The following TNRC6A variants were observed in gnomAD, a reference collection of about 807,000 sequenced individuals.
The protein encoded by TNRC6A is trinucleotide repeat-containing gene 6A protein.
Under a neutral mutation model 221.2 loss-of-function variants are expected in TNRC6A, and 44 were observed. That is an observed-to-expected ratio of 0.20 (90% confidence interval 0.16 to 0.26). The LOEUF is 0.26. Among genes scored for constraint, TNRC6A ranks in the 10% least tolerant of loss-of-function variants. The probability of loss-of-function intolerance (pLI) is 1.00; values close to 1 mark genes in which losing one functional copy is unlikely to be tolerated. For synonymous variants in TNRC6A, 847 were observed against 838.5 expected (o/e 1.01, Z -0.18); for missense variants, 2,199 against 2,404.4 (o/e 0.91, Z 1.79).
intron 2 of TNRC6A, among the ~76,000 whole-genome samples, chr16:24,714,469 C>T (rs928542230): frequency 9.9e-5 from 15 of 151,848 alleles, no homozygotes; most frequent in South Asian, 6.2e-4. Flanking sequence ...CCACCAAACC[C>T]GGCTAATTTT....
intron 2 of TNRC6A, 39 bp downstream of exon 2, chr16:24,730,339 A>G (rs762245663): frequency 6.3e-7 from 1 of 1,599,162 alleles, no homozygotes; most frequent in Admixed American, 1.7e-5. Flanking sequence ...CCCCACGATA[A>G]TCGTATATTT....
intron 15 of TNRC6A, 101 bp from the exon 16 acceptor site, chr16:24,806,105 G>A (rs1321561651): frequency 1.7e-5 from 22 of 1,312,804 alleles, no homozygotes; most frequent in African/African-American, 1.4e-5. Context: ...GCATTGGCTA[G>A]ATCACGTCGT....
intron 1 of TNRC6A, among the ~76,000 whole-genome samples, chr16:24,625,748 A>C (rs1441495642): frequency 1.3e-5 from 2 of 148,498 alleles, no homozygotes; most frequent in African/African-American, 2.5e-5. Context: ...AAAAAAAAAA[A>C]AAAAAAAAAA....
chr16:24,734,945 C>T (rs16973953), intron 2 of TNRC6A, among the ~76,000 whole-genome samples: 27,917 of 152,132 alleles, frequency 0.18, 2,852 homozygotes, highest in East Asian at 0.37. Context: ...AACTGGGACA[C>T]TTATCTGAGA....
chr16:24,656,641 A>G (rs2054919636), intron 2 of TNRC6A, among the ~76,000 whole-genome samples: 1 of 152,174 alleles, frequency 6.6e-6, no homozygotes, highest in African/African-American at 2.4e-5. Flanking sequence ...TAAATAAATA[A>G]CACCAGGTTA....
intron 1 of TNRC6A, among the ~76,000 whole-genome samples, chr16:24,635,763 T>A (rs1301546834): frequency 1.3e-5 from 2 of 152,314 alleles, no homozygotes; most frequent in Middle Eastern, 3.4e-3. Flanking sequence ...CAAAGAAAGA[T>A]GATTTTGTCA....
chr16:24,772,442 C>G (rs1456838733), intron 4 of TNRC6A, among the ~76,000 whole-genome samples: 1 of 151,756 alleles, frequency 6.6e-6, no homozygotes, highest in Non-Finnish European at 1.5e-5. Flanking sequence ...AGCCAAGATC[C>G]AAGATCGCGC....
rs765366531 is a variant in TNRC6A, at chr16:24,777,296, G to C, written c.527G>C (p.Ser176Thr). The C allele has an allele frequency of 2.5e-6, 4 of 1,613,990 alleles. No individual in the cohort carries two copies. The South Asian group carries it at 4.4e-5, about 18-fold the overall frequency. Residue 176 changes from serine (S) to threonine (T), a missense_variant, in exon 5 of 25, where the codon AGT becomes ACT. Ser to Thr is a moderately conservative substitution (Grantham distance 58). This residue lies in a region of TNRC6A where 1,405 missense variants were observed against 1,400.2 expected (regional missense o/e 1.00). Coordinates refer to ENST00000395799, the MANE Select transcript of TNRC6A (RefSeq NM_014494.4). ...VKVLNSQSES[S>T]ALTNQQPQNN... ...GTGTTAAACAGCCAGTCAGAAAGCA[G>C]TGCTTTAACAAATCAACAGCCACAA... is the stretch of plus-strand genomic sequence containing the variant.
intron 2 of TNRC6A, among the ~76,000 whole-genome samples, chr16:24,718,047 G>C (rs1300531441): frequency 3.7e-4 from 56 of 152,156 alleles, no homozygotes; most frequent in Non-Finnish European, 1.5e-5. Flanking sequence ...CAAAGTGCTG[G>C]GACTACAGGC....
intron 2 of TNRC6A, chr16:24,663,220 A>G (rs1650827134): frequency 6.5e-6 from 1 of 153,820 alleles, no homozygotes; most frequent in Non-Finnish European, 1.5e-5. Context: ...TGTTGTATTC[A>G]CAGTTACAGC....
At chr16:24,804,460 C>T in intron 12 of TNRC6A, 141 bp downstream of exon 12, 1 of 1,164,898 alleles carries the variant, frequency 8.6e-7, no homozygotes, top group South Asian at 1.7e-5. Context: ...TTTTGAAGTT[C>T]ACTGTCTTTT....
At chr16:24,648,796 A>G (rs1220265850) in intron 2 of TNRC6A, among the ~76,000 whole-genome samples, 1 of 152,140 alleles carries the variant, frequency 6.6e-6, no homozygotes, top group Non-Finnish European at 1.5e-5. Flanking sequence ...GAATGTGGAG[A>G]AAAACTTATC....
chr16:24,640,581 T>C (rs1901894302), intron 1 of TNRC6A, among the ~76,000 whole-genome samples: 1 of 150,932 alleles, frequency 6.6e-6, no homozygotes, highest in African/African-American at 2.4e-5. Flanking sequence ...TACAAAAAAT[T>C]ATCTGGGCAT....
intron 2 of TNRC6A, among the ~76,000 whole-genome samples, chr16:24,732,108 A>T (rs906172162): frequency 6.6e-6 from 1 of 152,222 alleles, no homozygotes; most frequent in Non-Finnish European, 1.5e-5. Context: ...GAAAGGAAAA[A>T]CAAATATCAA....
At position 24,804,331 on chromosome 16, in the gene TNRC6A, T is replaced by C. The variant is rs762958527; in HGVS notation, c.3837+12T>C. The C allele has an allele frequency of 1.9e-6, 3 of 1,608,580 alleles. No homozygotes were observed. The highest frequency in any genetic ancestry group is 2.5e-6 in the Non-Finnish European group (3 of 1,178,900). ...CTTATTTTGATAAGGTAAGGTTTTT[T>C]ACTTTTACCTCTGACTTGATAAACC... On this transcript the variant is annotated intron_variant, in intron 12 of 24. Coordinates refer to ENST00000395799, the MANE Select transcript of TNRC6A (RefSeq NM_014494.4).
chr16:24,654,645 G>C (rs918013305), intron 2 of TNRC6A, among the ~76,000 whole-genome samples: 16 of 152,086 alleles, frequency 1.1e-4, no homozygotes, highest in African/African-American at 3.9e-4. Context: ...CTTAAACCCA[G>C]GAGGCGGAGG....
Position 24,823,112 on chromosome 16 carries a change from C to T in TNRC6A, c.5513+99C>T, listed in dbSNP as rs2058800439. ...AGTGCACAGGGTCCTGCGTGGGTGG[C>T]TCCTGCTGGCTGCAGTAGTGCCCTG... On this transcript the variant is annotated intron_variant, in intron 24 of 24. Coordinates refer to ENST00000395799, the MANE Select transcript of TNRC6A (RefSeq NM_014494.4). This position sits in a 1 kb window ranked among gnomAD's most constrained non-coding sequence, Gnocchi z 4.3. The T allele has an allele frequency of 6.7e-7, 1 of 1,498,894 alleles. No homozygotes were observed. The highest frequency in any genetic ancestry group is 2.3e-5 in the East Asian group (1 of 44,156). 92.8% of individuals were successfully genotyped at this position (1,498,894 alleles called of 1,614,324 possible).
intron 2 of TNRC6A, among the ~76,000 whole-genome samples, chr16:24,659,039 G>A (rs2054974622): frequency 1.3e-5 from 2 of 151,834 alleles, no homozygotes; most frequent in Admixed American, 1.3e-4. Context: ...GAACTCCTGA[G>A]CTCAAGCAAT....
At chr16:24,675,688 CTCTCTCTCTCTCTCTATA>C (rs1470649932) in intron 2 of TNRC6A, among the ~76,000 whole-genome samples, 10 of 86,112 alleles carry the variant, frequency 1.2e-4, no homozygotes, top group African/African-American at 4.0e-4. Flanking sequence ...CTCTCTCTCT[CTCTCTCTCTCTCTCTATA>C]TATATATATA....
Sources: gnomAD v4.1 joint callset for allele counts (sites outside exome capture counted in the v4.1 genomes callset) on GRCh38, gnomAD v4.1.1 for gene constraint, gnomAD v4.1.1 regional missense constraint, Gnocchi (gnomAD v3.1) non-coding constraint, MANE v1.5 for transcripts, NCBI Gene and HGNC (gene_info 2026-07-23, HGNC 2026-07-21) for gene names.